PRKCE: variants seen among roughly 807,000 people sequenced by gnomAD.
PRKCE encodes the protein protein kinase C epsilon type.
A neutral mutation model predicts 85.4 loss-of-function variants in PRKCE; 16 were observed. The observed-to-expected ratio is 0.19, with a 90% CI of 0.13 to 0.28. The LOEUF is 0.28. Among genes scored for constraint, PRKCE ranks in the 10% least tolerant of loss-of-function variants. The probability of loss-of-function intolerance (pLI) is 1.00; values close to 1 mark genes in which losing one functional copy is unlikely to be tolerated. For synonymous variants in PRKCE, 388 were observed against 371.5 expected (o/e 1.04, Z -0.51); for missense variants, 573 against 975.2 (o/e 0.59, Z 5.49).
intron 1 of PRKCE, among the ~76,000 whole-genome samples, chr2:45,754,147 T>C (rs6731514): frequency 0.018 from 2,675 of 152,286 alleles, 85 homozygotes; most frequent in African/African-American, 0.062. Flanking sequence ...GCTGTTGAAA[T>C]GCATCTGAGG....
chr2:45,883,017 A>G (rs1694994529), intron 2 of PRKCE, among the ~76,000 whole-genome samples: 1 of 152,246 alleles, frequency 6.6e-6, no homozygotes, highest in South Asian at 2.1e-4. Context: ...GCCAGTCGCT[A>G]CTCAAATACT....
chr2:46,120,408 T>A (rs1673193778), intron 11 of PRKCE, among the ~76,000 whole-genome samples: 1 of 152,106 alleles, frequency 6.6e-6, no homozygotes, highest in Non-Finnish European at 1.5e-5. Context: ...CACAGGACGG[T>A]CCTCACAACA....
At chr2:45,993,675 G>A (rs893087311) in intron 6 of PRKCE, among the ~76,000 whole-genome samples, 10 of 151,976 alleles carry the variant, frequency 6.6e-5, no homozygotes, top group East Asian at 3.9e-4. Context: ...TCTCTTTTCC[G>A]TCACTTCACA....
chr2:45,723,924 G>T (rs553953784), intron 1 of PRKCE, among the ~76,000 whole-genome samples: 1 of 152,092 alleles, frequency 6.6e-6, no homozygotes, highest in East Asian at 1.9e-4. Context: ...CTTTTAATTT[G>T]TTCATTCTGT....
chr2:45,914,326 C>A (rs888950539), intron 2 of PRKCE, among the ~76,000 whole-genome samples: 2 of 152,102 alleles, frequency 1.3e-5, no homozygotes, highest in South Asian at 2.1e-4. Context: ...TATGGAACAC[C>A]AGAGGCAGGG....
intron 1 of PRKCE, among the ~76,000 whole-genome samples, chr2:45,685,781 A>G (rs980958404): frequency 6.6e-6 from 1 of 152,146 alleles, no homozygotes; most frequent in Non-Finnish European, 1.5e-5. Context: ...TGGACTGGGT[A>G]GTATTTGGAT....
At chr2:45,978,039 A>G (rs920753941) in intron 3 of PRKCE, 1 of 152,216 alleles carries the variant, frequency 6.6e-6, no homozygotes, top group Non-Finnish European at 1.5e-5. Context: ...TCACAAAGCC[A>G]GTCATCCAGG....
intron 2 of PRKCE, among the ~76,000 whole-genome samples, chr2:45,893,401 C>G (rs1245072392): frequency 2.0e-5 from 3 of 150,838 alleles, no homozygotes; most frequent in Non-Finnish European, 4.4e-5. Flanking sequence ...GACCTCTTGC[C>G]CTCTCGCCCA....
intron 1 of PRKCE, among the ~76,000 whole-genome samples, chr2:45,717,731 C>T (rs72801206): frequency 6.6e-6 from 1 of 152,112 alleles, no homozygotes; most frequent in East Asian, 1.9e-4. Context: ...TCCTGAGGGT[C>T]CCTTACCCAC....
At chr2:46,153,932 G>T (rs959193021) in intron 13 of PRKCE, among the ~76,000 whole-genome samples, 1 of 151,662 alleles carries the variant, frequency 6.6e-6, no homozygotes, top group Non-Finnish European at 1.5e-5. Flanking sequence ...GATTACAGGC[G>T]CCCACCACCA....
intron 1 of PRKCE, among the ~76,000 whole-genome samples, chr2:45,813,616 CA>C (rs1688809788): frequency 6.6e-6 from 1 of 152,138 alleles, no homozygotes; most frequent in Non-Finnish European, 1.5e-5. Context: ...CAGAGAGGTG[CA>C]AGGAGGTCAC....
intron 14 of PRKCE, among the ~76,000 whole-genome samples, chr2:46,176,299 C>T (rs561694749): frequency 1.1e-4 from 16 of 152,138 alleles, no homozygotes; most frequent in Middle Eastern, 3.4e-3. Flanking sequence ...TAGAGTGGGA[C>T]GAGCAGCTCC....
chr2:46,015,331 C>G (rs1706032469), intron 10 of PRKCE, among the ~76,000 whole-genome samples: 1 of 152,092 alleles, frequency 6.6e-6, no homozygotes, highest in Non-Finnish European at 1.5e-5. Context: ...CAACAGGATC[C>G]CACAAAACCT....
chr2:45,876,446 G>A (rs1315633600), intron 2 of PRKCE, among the ~76,000 whole-genome samples: 1 of 152,172 alleles, frequency 6.6e-6, no homozygotes, highest in Non-Finnish European at 1.5e-5. Context: ...CTTTGTATTT[G>A]TGTTTAAATT....
chr2:45,813,096 C>T (rs551757771), intron 1 of PRKCE, among the ~76,000 whole-genome samples: 17 of 152,246 alleles, frequency 1.1e-4, no homozygotes, highest in Non-Finnish European at 2.1e-4. Context: ...TGGAGAGAAT[C>T]CGCTTTTGGC....
At chr2:45,948,101 C>G (rs908454516) in intron 2 of PRKCE, among the ~76,000 whole-genome samples, 9 of 152,198 alleles carry the variant, frequency 5.9e-5, no homozygotes, top group Admixed American at 2.0e-4. Flanking sequence ...TGAATTGCAT[C>G]TGTTTCAAAG....
intron 1 of PRKCE, among the ~76,000 whole-genome samples, chr2:45,759,005 G>C (rs1684226788): frequency 6.6e-6 from 1 of 152,166 alleles, no homozygotes; most frequent in Non-Finnish European, 1.5e-5. Context: ...GAGATAGCAG[G>C]AGAGCTTCCG....
intron 1 of PRKCE, among the ~76,000 whole-genome samples, chr2:45,699,781 G>A (rs531026069): frequency 1.3e-5 from 2 of 152,340 alleles, no homozygotes; most frequent in Admixed American, 1.3e-4. Context: ...GTGGCTTAGA[G>A]GAGACTGTGC....
chr2:46,037,323 A>T (rs193123228), intron 10 of PRKCE, among the ~76,000 whole-genome samples: 1 of 152,314 alleles, frequency 6.6e-6, no homozygotes, highest in East Asian at 1.9e-4. Context: ...CCCAAACTCC[A>T]AGTCAGGCCT....
Sources: allele counts gnomAD v4.1 joint callset (sites outside exome capture counted in the v4.1 genomes callset), GRCh38; gene constraint gnomAD v4.1.1; transcripts MANE v1.5; gene names NCBI Gene and HGNC (gene_info 2026-07-23, HGNC 2026-07-21).